DEUP1: variants seen among roughly 807,000 people sequenced by gnomAD.
The protein encoded by DEUP1 is deuterosome assembly protein 1, also known as coiled-coil domain containing 67.
A neutral mutation model predicts 87.4 loss-of-function variants in DEUP1; 82 were observed. That is an observed-to-expected ratio of 0.94 (90% CI 0.78 to 1.13). The LOEUF is 1.13. Ranked by LOEUF, DEUP1 falls within the 50% of genes most tolerant of loss-of-function variation. The pLI, the probability that DEUP1 is intolerant of heterozygous loss-of-function variation, is 0.00. For synonymous variants in DEUP1, 214 were observed against 222.7 expected (o/e 0.96, Z 0.35); for missense variants, 663 against 681.5 (o/e 0.97, Z 0.30).
intron 9 of DEUP1, among the ~76,000 whole-genome samples, chr11:93,390,519 A>C (rs1428468113): frequency 6.6e-6 from 1 of 152,184 alleles, no homozygotes; most frequent in African/African-American, 2.4e-5. Flanking sequence ...CTGACTTAAA[A>C]ATATAACTTT....
intron 8 of DEUP1, among the ~76,000 whole-genome samples, chr11:93,387,855 G>A (rs750477935): frequency 2.6e-5 from 4 of 151,994 alleles, no homozygotes; most frequent in Non-Finnish European, 5.9e-5. Flanking sequence ...GAAACAAAAG[G>A]ACACTGAAAA....
intron 5 of DEUP1, among the ~76,000 whole-genome samples, chr11:93,365,988 C>T (rs1945397714): frequency 6.6e-6 from 1 of 152,158 alleles, no homozygotes; most frequent in African/African-American, 2.4e-5. Context: ...ATGTGTTTGC[C>T]CTGTGACCTT....
At chr11:93,433,002 T>A (rs1355399362) in intron 13 of DEUP1, among the ~76,000 whole-genome samples, 1 of 152,164 alleles carries the variant, frequency 6.6e-6, no homozygotes, top group Non-Finnish European at 1.5e-5. Flanking sequence ...TTTCAGTCAA[T>A]CTCATGGCCT....
intron 11 of DEUP1, among the ~76,000 whole-genome samples, chr11:93,399,235 A>G (rs1381863517): frequency 2.6e-5 from 4 of 151,602 alleles, no homozygotes; most frequent in Admixed American, 6.6e-5. Flanking sequence ...AAAGATTATT[A>G]TATCTTTCAT....
At chr11:93,368,787 T>G (rs2134257758) in intron 5 of DEUP1, among the ~76,000 whole-genome samples, 1 of 151,930 alleles carries the variant, frequency 6.6e-6, no homozygotes, top group Non-Finnish European at 1.5e-5. Context: ...ATACAAAAAA[T>G]TATCCGGGTG....
chr11:93,358,622 C>T (rs1001737648), intron 4 of DEUP1, among the ~76,000 whole-genome samples: 15 of 152,122 alleles, frequency 9.9e-5, no homozygotes, highest in Non-Finnish European at 1.5e-4. Flanking sequence ...CTTGCTCTGT[C>T]GCCCAGGCTG....
At chr11:93,415,327 T>C (rs1261221726) in intron 13 of DEUP1, 33 of 297,536 alleles carry the variant, frequency 1.1e-4, no homozygotes, top group Admixed American at 7.0e-4. Flanking sequence ...CAGTCAATGA[T>C]TATTAACCTC....
In DEUP1 at chr11:93,371,292, T is replaced by C. The variant is rs192410566; in HGVS notation, c.789+12T>C. 62 of 1,600,774 alleles carry C rather than the reference T, an allele frequency of 3.9e-5. No individual in the cohort carries two copies. In the African/African-American group the frequency reaches 7.8e-4, roughly 20 times the overall value. ...AAAGACAGTGCCAGGTGAAGATTAA[T>C]TTTTTTTCAACTAATATTGTCCATG... On this transcript the variant is annotated intron_variant, in intron 7 of 13. Coordinates refer to ENST00000298050, the MANE Select transcript of DEUP1 (RefSeq NM_181645.4).
intron 13 of DEUP1, among the ~76,000 whole-genome samples, chr11:93,437,240 A>G (rs976746682): frequency 2.0e-5 from 3 of 152,198 alleles, no homozygotes; most frequent in African/African-American, 7.2e-5. Context: ...TTTGCAAATG[A>G]TTGCAGCATG....
chr11:93,334,331 A>G (rs1943641293), intron 2 of DEUP1, among the ~76,000 whole-genome samples: 1 of 152,232 alleles, frequency 6.6e-6, no homozygotes, highest in Admixed American at 6.5e-5. Flanking sequence ...GGAGCAGCCT[A>G]CATTTAACAG....
At chr11:93,386,066 T>A (rs1946536277) in intron 8 of DEUP1, among the ~76,000 whole-genome samples, 1 of 151,936 alleles carries the variant, frequency 6.6e-6, no homozygotes, top group Non-Finnish European at 1.5e-5. Context: ...AAAAAGATAT[T>A]ATACAAAAAT....
chr11:93,376,844 T>G (rs1370670193), intron 7 of DEUP1, among the ~76,000 whole-genome samples: 1 of 152,190 alleles, frequency 6.6e-6, no homozygotes, highest in African/African-American at 2.4e-5. Context: ...TTCAAAGAAT[T>G]TTTTAATTTC....
intron 2 of DEUP1, among the ~76,000 whole-genome samples, chr11:93,343,308 C>T (rs910326166): frequency 6.6e-6 from 1 of 152,222 alleles, no homozygotes; most frequent in African/African-American, 2.4e-5. Flanking sequence ...TTCAAACACA[C>T]TAACACTGCA....
chr11:93,391,050 C>T (rs1946749575), intron 9 of DEUP1, among the ~76,000 whole-genome samples: 1 of 150,660 alleles, frequency 6.6e-6, no homozygotes, highest in African/African-American at 2.5e-5. Context: ...CCATGGCACT[C>T]CAGCCTGGGC....
intron 2 of DEUP1, among the ~76,000 whole-genome samples, chr11:93,344,971 G>A (rs1415647953): frequency 6.6e-6 from 1 of 151,684 alleles, no homozygotes; most frequent in African/African-American, 2.4e-5. Context: ...CTAAGCCTGG[G>A]ACCCATTAGT....
At chr11:93,408,678 G>C (rs940603536) in intron 12 of DEUP1, among the ~76,000 whole-genome samples, 1 of 152,122 alleles carries the variant, frequency 6.6e-6, no homozygotes. Context: ...TGGAAGCTGA[G>C]GTGGTATACA....
At chr11:93,407,094 GT>G (rs1447687501) in intron 11 of DEUP1, among the ~76,000 whole-genome samples, 1 of 151,632 alleles carries the variant, frequency 6.6e-6, no homozygotes, top group Non-Finnish European at 1.5e-5. Flanking sequence ...TTAAATCAAG[GT>G]CTTCAACAAC....
Position 93,370,112 on chromosome 11 carries a change from ATAT to A in DEUP1, c.476_478del (p.Leu159del), listed in dbSNP as rs1338766263. On this transcript the variant is annotated inframe_deletion, in exon 6 of 14. Coordinates refer to ENST00000298050, the MANE Select transcript of DEUP1 (RefSeq NM_181645.4). ...GTCAAGAGAATGGGACAAGCAAGAGATATTATATCAGACTCATCTGATTTCTTT... is the reference window on the plus strand; with the variant it reads ...GTCAAGAGAATGGGACAAGCAAGAGATATATCAGACTCATCTGATTTCTTT... The A allele has an allele frequency of 1.9e-6, 3 of 1,608,092 alleles. No homozygotes were observed.
At chr11:93,418,385 A>G (rs1398499024) in intron 13 of DEUP1, among the ~76,000 whole-genome samples, 4 of 152,090 alleles carry the variant, frequency 2.6e-5, no homozygotes, top group Non-Finnish European at 5.9e-5. Context: ...ATGAACAGAC[A>G]CTTCTCAAAA....
Sources: gnomAD v4.1 joint callset for allele counts (sites outside exome capture counted in the v4.1 genomes callset) on GRCh38, gnomAD v4.1.1 for gene constraint, MANE v1.5 for transcripts, NCBI Gene and HGNC (gene_info 2026-07-23, HGNC 2026-07-21) for gene names.